The following NXPE2 variants were observed in gnomAD, a reference collection of about 807,000 sequenced individuals.
The protein encoded by NXPE2 is NXPE family member 2.
Under a neutral mutation model 34.4 loss-of-function variants are expected in NXPE2, and 34 were observed. The observed-to-expected ratio is 0.99, with a 90% CI of 0.75 to 1.31. The LOEUF (loss-of-function observed/expected upper bound fraction) is 1.31, where lower values mean the gene tolerates loss of function less well. Ranked by LOEUF, NXPE2 falls within the 40% of genes most tolerant of loss-of-function variation. The pLI is 0.00. For missense variants in NXPE2, 649 were observed against 672.5 expected (o/e 0.97, Z 0.39); for synonymous variants, 235 against 231.3 (o/e 1.02, Z -0.15).
chr11:114,653,668 C>T, the NXPE2 span, among the ~76,000 whole-genome samples: 1 of 151,508 alleles, frequency 6.6e-6, no homozygotes. Flanking sequence ...GCTGGGACTA[C>T]AGGCGCCCAC....
the NXPE2 span, among the ~76,000 whole-genome samples, chr11:114,555,915 T>C: frequency 3.9e-5 from 6 of 152,334 alleles, no homozygotes; most frequent in African/African-American, 1.4e-4. Flanking sequence ...ATTTGATAAA[T>C]ATTTGGGTTG....
the NXPE2 span, among the ~76,000 whole-genome samples, chr11:114,786,832 G>A: frequency 6.6e-6 from 1 of 151,676 alleles, no homozygotes; most frequent in Non-Finnish European, 1.5e-5. Flanking sequence ...CCCCATGCAA[G>A]CCCCACGCAT....
chr11:114,580,235 C>T, the NXPE2 span: 3 of 1,613,776 alleles, frequency 1.9e-6, no homozygotes, highest in East Asian at 4.5e-5. Flanking sequence ...TGACTGTAGC[C>T]AAACTACAGG....
chr11:114,488,886 CA>C, the NXPE2 span, among the ~76,000 whole-genome samples: 1 of 151,844 alleles, frequency 6.6e-6, no homozygotes. Flanking sequence ...GATAGAGACA[CA>C]AAAAACCCTT....
the NXPE2 span, among the ~76,000 whole-genome samples, chr11:114,630,339 A>G: frequency 6.6e-6 from 1 of 151,948 alleles, no homozygotes; most frequent in Admixed American, 6.5e-5. Context: ...AGATCAATGG[A>G]ACAGAACATA....
At chr11:114,617,508 G>A in the NXPE2 span, among the ~76,000 whole-genome samples, 5 of 151,290 alleles carry the variant, frequency 3.3e-5, no homozygotes, top group South Asian at 2.1e-4. Flanking sequence ...ACTGTTAACC[G>A]GTGGATAATA....
chr11:114,711,329 A>C (rs1302567142), downstream of NXPE2, among the ~76,000 whole-genome samples: 1 of 152,114 alleles, frequency 6.6e-6, no homozygotes, highest in Non-Finnish European at 1.5e-5. Flanking sequence ...AAGCAGAAGT[A>C]AATTCTCTCT....
the NXPE2 span, among the ~76,000 whole-genome samples, chr11:114,765,356 A>G: frequency 6.6e-6 from 1 of 152,164 alleles, no homozygotes; most frequent in Admixed American, 6.5e-5. Flanking sequence ...TACAGGTGCC[A>G]TTTTTCCAAC....
the NXPE2 span, among the ~76,000 whole-genome samples, chr11:114,632,313 CTTA>C: frequency 3.0e-5 from 4 of 134,566 alleles, no homozygotes; most frequent in South Asian, 2.2e-4. Flanking sequence ...ACCACCAATA[CTTA>C]TTATCCACTG....
At chr11:114,641,935 A>G in the NXPE2 span, among the ~76,000 whole-genome samples, 7 of 152,126 alleles carry the variant, frequency 4.6e-5, 1 homozygote, top group Non-Finnish European at 1.0e-4. Context: ...ACACATTTGC[A>G]AAGTTTGACA....
At chr11:114,774,620 G>C in the NXPE2 span, among the ~76,000 whole-genome samples, 2 of 152,164 alleles carry the variant, frequency 1.3e-5, no homozygotes, top group Non-Finnish European at 2.9e-5. Context: ...GACGTAATGA[G>C]ACTGCGCATG....
At chr11:114,646,531 C>T in the NXPE2 span, among the ~76,000 whole-genome samples, 63 of 151,794 alleles carry the variant, frequency 4.2e-4, no homozygotes, top group Non-Finnish European at 7.9e-4. Context: ...TTTTAAAAAA[C>T]CTGAATTATA....
At chr11:114,484,199 C>T in the NXPE2 span, among the ~76,000 whole-genome samples, 4 of 152,258 alleles carry the variant, frequency 2.6e-5, no homozygotes, top group African/African-American at 7.2e-5. Flanking sequence ...TCAACTCTGC[C>T]GTCCTTTCCA....
the NXPE2 span, among the ~76,000 whole-genome samples, chr11:114,664,560 G>A: frequency 1.3e-5 from 2 of 152,114 alleles, no homozygotes; most frequent in Admixed American, 1.3e-4. Flanking sequence ...AGACTGTTCT[G>A]CACACACAGA....
the NXPE2 span, among the ~76,000 whole-genome samples, chr11:114,490,589 C>G: frequency 0.017 from 2,546 of 152,242 alleles, 77 homozygotes; most frequent in African/African-American, 0.057. Flanking sequence ...CTGACAAAAA[C>G]AAGCGATGGG....
chr11:114,628,850 A>G, the NXPE2 span, among the ~76,000 whole-genome samples: 4 of 152,022 alleles, frequency 2.6e-5, no homozygotes, highest in Admixed American at 2.6e-4. Context: ...ATCACCACCG[A>G]TCCCACAGAA....
the NXPE2 span, among the ~76,000 whole-genome samples, chr11:114,557,551 A>C: frequency 1.3e-5 from 2 of 150,352 alleles, no homozygotes; most frequent in African/African-American, 4.9e-5. Flanking sequence ...TTAGCCTCCC[A>C]TGTAGCTGGG....
In NXPE2 at chr11:114,706,949, G is replaced by C; in HGVS notation, c.*19G>C. ...TTGTTAGAGGAAAAATACAAAAATA[G>C]CACTAGCCACTTTCTATAGATGATC... On this transcript the variant is annotated 3_prime_UTR_variant, in exon 6 of 6. Coordinates refer to ENST00000389586, the MANE Select transcript of NXPE2 (RefSeq NM_182495.6). 1 of 1,519,238 alleles carries C rather than the reference G, an allele frequency of 6.6e-7. No individual in the cohort carries two copies. Among genetic ancestry groups the C allele is most frequent in the Non-Finnish European group, 8.9e-7 (1 of 1,127,850 alleles). The allele number at this position is 1,519,238 out of a possible 1,614,324, so 94.1% of individuals were successfully genotyped here. A position where few individuals can be genotyped will look rare whatever the true frequency, so the allele number is the denominator to read the frequency against.
the NXPE2 span, among the ~76,000 whole-genome samples, chr11:114,775,520 G>A: frequency 6.6e-6 from 1 of 152,058 alleles, no homozygotes; most frequent in Non-Finnish European, 1.5e-5. Context: ...TACCTTTCAG[G>A]GTGCACAGGG....
Sources: allele counts gnomAD v4.1 joint callset (sites outside exome capture counted in the v4.1 genomes callset), GRCh38; gene constraint gnomAD v4.1.1; transcripts MANE v1.5; gene names NCBI Gene and HGNC (gene_info 2026-07-23, HGNC 2026-07-21).